NSD1: variants seen among roughly 807,000 people sequenced by gnomAD.
The protein encoded by NSD1 is histone-lysine N-methyltransferase, H3 lysine-36 specific.
In NSD1, 26 loss-of-function variants were observed where a neutral mutation model predicts 242.7. The ratio of observed to expected loss-of-function variants is 0.11; its 90% confidence interval spans 0.08 to 0.15. The LOEUF (loss-of-function observed/expected upper bound fraction) is 0.15. Ranked by LOEUF, NSD1 falls within the 10% of genes least tolerant of loss-of-function variation. NSD1 has a pLI of 1.00. For missense variants in NSD1, 2,495 were observed against 3,272.8 expected (o/e 0.76, Z 5.80); for synonymous variants, 1,106 against 1,178.1 (o/e 0.94, Z 1.25).
At chr5:177,239,673 A>G in intron 7 of NSD1, 83 bp from the exon 8 acceptor site, 2 of 791,732 alleles carry the variant, frequency 2.5e-6, no homozygotes, top group Non-Finnish European at 4.4e-6. Flanking sequence ...ATTGAGATTC[A>G]TTTTGTGTGG....
chr5:177,262,892 G>A (rs970518554), intron 14 of NSD1, among the ~76,000 whole-genome samples: 1 of 152,228 alleles, frequency 6.6e-6, no homozygotes, highest in African/African-American at 2.4e-5. Context: ...TGAGACAAAT[G>A]CGTACCTCAT....
chr5:177,204,760 G>C (rs1762755047), intron 4 of NSD1, among the ~76,000 whole-genome samples: 1 of 152,040 alleles, frequency 6.6e-6, no homozygotes, highest in African/African-American at 2.4e-5. Context: ...AAAGAGCTAG[G>C]GAGCAGATGC....
intron 5 of NSD1, among the ~76,000 whole-genome samples, chr5:177,230,542 G>A (rs947636404): frequency 1.3e-5 from 2 of 151,872 alleles, no homozygotes; most frequent in Non-Finnish European, 2.9e-5. Context: ...AAGAGGAAAC[G>A]TGGCCAGGCG....
Position 177,299,849 on chromosome 5 carries a change from C to T in NSD1, c.*4390C>T. The T allele has an allele frequency of 4.3e-6, 1 of 233,288 alleles. No homozygotes were observed. Among genetic ancestry groups the T allele is most frequent in the Non-Finnish European group, 8.5e-6 (1 of 118,132 alleles). 14.5% of individuals were successfully genotyped at this position (233,288 alleles called of 1,614,324 possible). A position where few individuals can be genotyped will look rare whatever the true frequency, so the allele number is the denominator to read the frequency against. Reference sequence around the variant, plus strand: ...TTTCAACTTCCAGGGTTGGGGCAGGCCAGAGCAAGGCGGTCTCATCGAGGT... The same window carrying T: ...TTTCAACTTCCAGGGTTGGGGCAGGTCAGAGCAAGGCGGTCTCATCGAGGT... On this transcript the variant is annotated 3_prime_UTR_variant, in exon 23 of 23. Transcript: ENST00000439151.
chr5:177,229,330 T>A lies in NSD1; in HGVS notation c.3797-6491T>A, dbSNP rs116084851. On this transcript the variant is annotated intron_variant, in intron 5 of 22. Transcript: ENST00000439151. ...ACAGTGACATTTTGTAGTTGTATAG[T>A]AGGCATGACGTACTGGTTGTGTGGT... is the stretch of plus-strand genomic sequence containing the variant. Among the ~76,000 whole-genome samples, 1,396 of 152,326 alleles carry A rather than the reference T, an allele frequency of 9.2e-3. 19 individuals are homozygous for A. Among genetic ancestry groups the A allele is most frequent in the African/African-American group, 0.032 (1,325 of 41,568 alleles).
chr5:177,286,665 A>G (rs1018702209), intron 20 of NSD1, among the ~76,000 whole-genome samples: 2 of 152,130 alleles, frequency 1.3e-5, no homozygotes, highest in Admixed American at 6.5e-5. Context: ...AGGTTCCTCT[A>G]TATTAAATCA....
In NSD1 at chr5:177,294,314, C is replaced by T; in HGVS notation, c.6946C>T (p.Leu2316=). The T allele has an allele frequency of 6.2e-7, 1 of 1,614,218 alleles. No individual in the cohort carries two copies. Among genetic ancestry groups the T allele is most frequent in the Non-Finnish European group, 8.5e-7 (1 of 1,180,042 alleles). ...ATCCTTGGTTTCCAGCCAGAGGCCACTGGACAGGCCACCAGCAGTGGCAGG... is the reference window on the plus strand; with the variant it reads ...ATCCTTGGTTTCCAGCCAGAGGCCATTGGACAGGCCACCAGCAGTGGCAGG... ...SQSLVSSQRP[L]DRPPAVAGPR... The change falls in exon 23 of 23, where the codon CTG becomes TTG. Residue 2316 remains leucine (L), a synonymous_variant. Coordinates refer to ENST00000439151, the MANE Select transcript of NSD1 (RefSeq NM_022455.5).
intron 2 of NSD1, among the ~76,000 whole-genome samples, chr5:177,155,525 A>G (rs1476264195): frequency 4.8e-5 from 7 of 146,142 alleles, no homozygotes; most frequent in East Asian, 2.0e-4. Context: ...TGGCCTCCCA[A>G]TGTGCTGGGA....
chr5:177,271,623 A>G (rs1035003584), intron 16 of NSD1, among the ~76,000 whole-genome samples: 3 of 152,190 alleles, frequency 2.0e-5, no homozygotes, highest in Non-Finnish European at 4.4e-5. Context: ...CACGTGTTGA[A>G]TCTATTAATA....
At chr5:177,197,136 G>A (rs1372654387) in intron 3 of NSD1, among the ~76,000 whole-genome samples, 1 of 152,052 alleles carries the variant, frequency 6.6e-6, no homozygotes, top group Non-Finnish European at 1.5e-5. Context: ...TGGGCGTGGT[G>A]GTGGATGCCT....
chr5:177,149,845 A>G (rs1757558238), intron 2 of NSD1, among the ~76,000 whole-genome samples: 1 of 152,162 alleles, frequency 6.6e-6, no homozygotes, highest in Non-Finnish European at 1.5e-5. Flanking sequence ...ACAGGCTGAG[A>G]GGACCAGTAC....
intron 5 of NSD1, among the ~76,000 whole-genome samples, chr5:177,222,316 G>A (rs574170188): frequency 1.1e-3 from 174 of 152,084 alleles, no homozygotes; most frequent in Non-Finnish European, 1.8e-3. Flanking sequence ...CTTAGTAGAG[G>A]CAGAGTTTCA....
intron 21 of NSD1, among the ~76,000 whole-genome samples, chr5:177,289,818 G>T (rs76640299): frequency 3.9e-4 from 58 of 148,558 alleles, no homozygotes; most frequent in African/African-American, 1.3e-3. Context: ...TATTTTTTTT[G>T]TTGTTGTTGT....
chr5:177,266,548 G>C, intron 14 of NSD1: 1 of 686,442 alleles, frequency 1.5e-6, no homozygotes, highest in South Asian at 1.8e-5. Flanking sequence ...CTGGCCACAG[G>C]ACACCTCCAT....
intron 2 of NSD1, among the ~76,000 whole-genome samples, chr5:177,166,743 CTTT>C (rs967834304): frequency 1.5e-5 from 2 of 133,412 alleles, no homozygotes; most frequent in Non-Finnish European, 1.6e-5. Flanking sequence ...TTTTGAGTTA[CTTT>C]TTTTTTTTTT....
intron 2 of NSD1, among the ~76,000 whole-genome samples, chr5:177,157,545 A>G (rs1758240085): frequency 6.6e-6 from 1 of 151,720 alleles, no homozygotes; most frequent in African/African-American, 2.4e-5. Flanking sequence ...CTAAAAATAC[A>G]AAAATTAGCC....
At chr5:177,202,454 C>T (rs1480002666) in intron 3 of NSD1, among the ~76,000 whole-genome samples, 1 of 152,094 alleles carries the variant, frequency 6.6e-6, no homozygotes, top group East Asian at 1.9e-4. Context: ...TAATGGCTCA[C>T]TGTATTCTTG....
intron 2 of NSD1, among the ~76,000 whole-genome samples, chr5:177,184,420 G>A (rs1760932857): frequency 6.6e-6 from 1 of 152,106 alleles, no homozygotes; most frequent in East Asian, 1.9e-4. Context: ...GTCTTTTTGA[G>A]TAATTTCTAT....
intron 2 of NSD1, among the ~76,000 whole-genome samples, chr5:177,173,466 CTTTT>C (rs768982432): frequency 6.3e-4 from 39 of 62,202 alleles, no homozygotes; most frequent in South Asian, 2.0e-3. Context: ...TACTATCTGG[CTTTT>C]TTTTTTTTTT....
Sources: gnomAD v4.1 joint callset for allele counts (sites outside exome capture counted in the v4.1 genomes callset) on GRCh38, gnomAD v4.1.1 for gene constraint, MANE v1.5 for transcripts, NCBI Gene and HGNC (gene_info 2026-07-23, HGNC 2026-07-21) for gene names.